The following COG5 variants were observed in gnomAD, a reference collection of about 807,000 sequenced individuals.
COG5 encodes component of oligomeric golgi complex 5.
In COG5, 86 loss-of-function variants were observed where a neutral mutation model predicts 110.4. The observed-to-expected ratio is 0.78, with a 90% CI of 0.65 to 0.93. The LOEUF is 0.93. Among genes scored for constraint, COG5 ranks in the 40% least tolerant of loss-of-function variants. COG5 has a pLI of 0.00. For missense variants in COG5, 1,077 were observed against 987.0 expected (o/e 1.09, Z -1.22); for synonymous variants, 360 against 334.6 (o/e 1.08, Z -0.83).
intron 7 of COG5, among the ~76,000 whole-genome samples, chr7:107,399,151 G>A (rs982117869): frequency 7.2e-5 from 11 of 152,096 alleles, no homozygotes; most frequent in African/African-American, 1.9e-4. Context: ...GCAGTGAGTC[G>A]AGATCGTGCC....
intron 5 of COG5, among the ~76,000 whole-genome samples, chr7:107,542,004 A>C (rs1802076744): frequency 2.0e-5 from 3 of 152,116 alleles, no homozygotes; most frequent in African/African-American, 7.2e-5. Context: ...TTAATTAAAA[A>C]GATTAGTAAA....
intron 7 of COG5, among the ~76,000 whole-genome samples, chr7:107,396,745 T>C (rs898065610): frequency 2.6e-5 from 4 of 152,176 alleles, no homozygotes; most frequent in Non-Finnish European, 4.4e-5. Context: ...AAGTCATAGT[T>C]TGGCATTAAA....
At chr7:107,204,796 T>TC (rs1798636645) in intron 21 of COG5, among the ~76,000 whole-genome samples, 3 of 152,114 alleles carry the variant, frequency 2.0e-5, no homozygotes, top group South Asian at 4.1e-4. Flanking sequence ...GCCCTCGACC[T>TC]CCCCCTCCTG....
chr7:107,248,740 A>G (rs1802252124), intron 16 of COG5, among the ~76,000 whole-genome samples: 1 of 152,118 alleles, frequency 6.6e-6, no homozygotes, highest in South Asian at 2.1e-4. Flanking sequence ...TTTTTCCAAA[A>G]GGTTCAGTGG....
At chr7:107,554,197 A>G in intron 3 of COG5, 88 bp downstream of exon 3, 2 of 1,153,702 alleles carry the variant, frequency 1.7e-6, no homozygotes, top group Non-Finnish European at 2.6e-6. Flanking sequence ...GGCAAAGTCT[A>G]AAATACTTGC....
At chr7:107,412,749 G>C in intron 6 of COG5, 117 bp from the exon 7 acceptor site, 4 of 667,336 alleles carry the variant, frequency 6.0e-6, no homozygotes, top group Non-Finnish European at 9.9e-6. Flanking sequence ...AAACAGGGTT[G>C]CCATTCAAAA....
intron 6 of COG5, among the ~76,000 whole-genome samples, chr7:107,492,560 C>T (rs975567261): frequency 1.3e-5 from 2 of 152,204 alleles, no homozygotes; most frequent in African/African-American, 2.4e-5. Context: ...AACTGAGGAC[C>T]TCACTTCCTT....
chr7:107,261,236 A>G (rs891127955), intron 14 of COG5, among the ~76,000 whole-genome samples: 4 of 152,132 alleles, frequency 2.6e-5, no homozygotes, highest in African/African-American at 9.7e-5. Flanking sequence ...AAAAATAAAA[A>G]CAGTACAAGG....
chr7:107,268,000 C>T (rs560167664), intron 14 of COG5, among the ~76,000 whole-genome samples: 2 of 152,172 alleles, frequency 1.3e-5, no homozygotes, highest in Non-Finnish European at 2.9e-5. Flanking sequence ...CGGAGTTTCG[C>T]TCTTGTTGCC....
chr7:107,260,074 T>TTATATATATA, intron 14 of COG5, among the ~76,000 whole-genome samples: 1 of 99,438 alleles, frequency 1.0e-5, no homozygotes, highest in Admixed American at 1.1e-4. Context: ...CAACTCCTAG[T>TTATATATATA]GATATATATA....
At chr7:107,562,308 A>C (rs1159562064) in intron 1 of COG5, among the ~76,000 whole-genome samples, 2 of 152,216 alleles carry the variant, frequency 1.3e-5, no homozygotes, top group African/African-American at 4.8e-5. Context: ...ACAATTCCTG[A>C]AATACATCCT....
intron 21 of COG5, among the ~76,000 whole-genome samples, chr7:107,204,502 A>T (rs1655600093): frequency 6.6e-6 from 1 of 152,228 alleles, no homozygotes; most frequent in Non-Finnish European, 1.5e-5. Context: ...GTACACAAAT[A>T]CATTTTTGTC....
At chr7:107,479,735 A>T (rs1040243548) in intron 6 of COG5, among the ~76,000 whole-genome samples, 4 of 152,204 alleles carry the variant, frequency 2.6e-5, no homozygotes, top group South Asian at 4.1e-4. Context: ...AAACTCAATG[A>T]AGTAAAATAA....
intron 10 of COG5, among the ~76,000 whole-genome samples, chr7:107,346,480 C>T (rs1196738559): frequency 1.3e-5 from 2 of 152,130 alleles, no homozygotes; most frequent in Non-Finnish European, 2.9e-5. Context: ...TTTTGTAAAA[C>T]ATTCACTTCA....
intron 6 of COG5, among the ~76,000 whole-genome samples, chr7:107,417,764 GTCTAA>G (rs200559521): frequency 0.013 from 1,928 of 152,130 alleles, 14 homozygotes; most frequent in Non-Finnish European, 0.017. Flanking sequence ...CTCATTGATA[GTCTAA>G]TCTAAGTTAT....
At chr7:107,220,438 G>C (rs918966746) in intron 19 of COG5, among the ~76,000 whole-genome samples, 1 of 152,188 alleles carries the variant, frequency 6.6e-6, no homozygotes, top group African/African-American at 2.4e-5. Context: ...GTTCCTCTGG[G>C]GTAATGGGTG....
intron 6 of COG5, among the ~76,000 whole-genome samples, chr7:107,448,493 T>C (rs1164408761): frequency 1.3e-5 from 2 of 152,200 alleles, no homozygotes; most frequent in African/African-American, 4.8e-5. Context: ...TAATGCCTGT[T>C]AGTCTTTTGG....
At chr7:107,469,061 ATTTAAT>A (rs929097374) in intron 6 of COG5, among the ~76,000 whole-genome samples, 1 of 150,552 alleles carries the variant, frequency 6.6e-6, no homozygotes, top group Non-Finnish European at 1.5e-5. Context: ...ATATTTAAAT[ATTTAAT>A]TTTAAATATT....
At chr7:107,408,280 T>C (rs370754618) in intron 7 of COG5, among the ~76,000 whole-genome samples, 17 of 152,210 alleles carry the variant, frequency 1.1e-4, no homozygotes, top group African/African-American at 3.6e-4. Context: ...GCCTATAAAA[T>C]CTAAACTATT....
Sources: gnomAD v4.1 joint callset for allele counts (sites outside exome capture counted in the v4.1 genomes callset) on GRCh38, gnomAD v4.1.1 for gene constraint, MANE v1.5 for transcripts, NCBI Gene and HGNC (gene_info 2026-07-23, HGNC 2026-07-21) for gene names.